The following NTPCR variants were observed in gnomAD, a reference collection of about 807,000 sequenced individuals.
NTPCR encodes nucleoside-triphosphatase, cancer-related.
A neutral mutation model predicts 19.5 loss-of-function variants in NTPCR; 15 were observed. The observed-to-expected ratio is 0.77, with a 90% CI of 0.51 to 1.18. The LOEUF (loss-of-function observed/expected upper bound fraction) is 1.18, where lower values mean the gene tolerates loss of function less well. Ranked by LOEUF, NTPCR falls within the 50% of genes most tolerant of loss-of-function variation. NTPCR has a pLI of 0.00. For missense variants in NTPCR, 206 were observed against 240.4 expected, an observed-to-expected ratio of 0.86 and a Z score of 0.95; for synonymous variants, 90 against 95.8, an observed-to-expected ratio of 0.94 and a Z score of 0.36.
chr1:232,969,643 G>T, intron 3 of NTPCR: 1 of 350,162 alleles, frequency 2.9e-6, no homozygotes, highest in South Asian at 4.5e-5. Flanking sequence ...ATTTATGTCC[G>T]TTACTTCCTT....
Position 232,978,668 on chromosome 1 carries a change from A to G in NTPCR, c.*437A>G, listed in dbSNP as rs1558137632. 1 of 153,718 alleles carries G rather than the reference A, an allele frequency of 6.5e-6. No individual in the cohort carries two copies. Among genetic ancestry groups the G allele is most frequent in the African/African-American group, 2.4e-5 (1 of 41,504 alleles). 9.5% of individuals were successfully genotyped at this position (153,718 alleles called of 1,614,324 possible). ...CCAGGTGCAGCTTCAGCCTCATGCA[A>G]CTTAAAGTGATAACAGTTATTTGAT... On this transcript the variant is annotated 3_prime_UTR_variant, in exon 5 of 5. Transcript: ENST00000366628.
At chr1:232,960,342 T>C (rs1221381897) in intron 3 of NTPCR, among the ~76,000 whole-genome samples, 2 of 150,030 alleles carry the variant, frequency 1.3e-5, no homozygotes, top group Non-Finnish European at 1.5e-5. Context: ...TGTTTCTTTT[T>C]CTTTTCCTTT....
At chr1:232,971,054 G>A (rs188619680) in intron 4 of NTPCR, among the ~76,000 whole-genome samples, 5 of 152,360 alleles carry the variant, frequency 3.3e-5, no homozygotes, top group East Asian at 1.9e-4. Context: ...CAGTGGCAGC[G>A]TCTGAGCCAG....
At chr1:232,965,026 T>A (rs912200597) in intron 3 of NTPCR, 1 of 152,240 alleles carries the variant, frequency 6.6e-6, no homozygotes, top group African/African-American at 2.4e-5. Context: ...CATATCTGCC[T>A]ACTGCAGTGG....
intron 3 of NTPCR, among the ~76,000 whole-genome samples, chr1:232,958,796 A>G (rs982795479): frequency 3.3e-5 from 5 of 152,210 alleles, no homozygotes; most frequent in Admixed American, 3.3e-4. Context: ...AATACTTCAA[A>G]TGAAATTCCA....
intron 4 of NTPCR, among the ~76,000 whole-genome samples, chr1:232,974,949 C>T (rs1669085891): frequency 6.6e-6 from 1 of 152,182 alleles, no homozygotes; most frequent in Admixed American, 6.5e-5. Context: ...CTTATGGGTT[C>T]TTCAATAATT....
intron 4 of NTPCR, among the ~76,000 whole-genome samples, chr1:232,972,304 T>C (rs1435067003): frequency 2.0e-5 from 3 of 152,226 alleles, no homozygotes; most frequent in Non-Finnish European, 4.4e-5. Flanking sequence ...TTTTATTTTT[T>C]ATTTAACTTA....
chr1:232,959,640 T>C (rs1668612816), intron 3 of NTPCR, among the ~76,000 whole-genome samples: 1 of 152,188 alleles, frequency 6.6e-6, no homozygotes, highest in Non-Finnish European at 1.5e-5. Flanking sequence ...CCATTTTTGA[T>C]ACTGGCAATG....
At position 232,970,019 on chromosome 1, in the gene NTPCR, CCCAGGGACTATAAT is replaced by C. The variant is rs1437903122; in HGVS notation, c.408_421del (p.Gly137TrpfsTer7). On this transcript the variant is annotated frameshift_variant, in exon 4 of 5. Coordinates refer to ENST00000366628, the MANE Select transcript of NTPCR (RefSeq NM_032324.3). LOFTEE classifies it high-confidence loss of function. Reference sequence around the variant, plus strand: ...AAGCTGTTCGTCAGACGCTGTCTACCCCAGGGACTATAATCCTTGGCACAATCCCAGTTCCTAAA... The same window carrying C: ...AAGCTGTTCGTCAGACGCTGTCTACCCCTTGGCACAATCCCAGTTCCTAAA... 4.3e-6 allele frequency: 7 copies of C among 1,613,864 alleles called. No homozygotes were observed. The highest frequency in any genetic ancestry group is 5.9e-6 in the Non-Finnish European group (7 of 1,179,880).
intron 3 of NTPCR, 137 bp from the exon 4 acceptor site, chr1:232,969,772 A>G: frequency 3.0e-6 from 2 of 673,662 alleles, no homozygotes; most frequent in South Asian, 1.8e-5. Context: ...GGTCTGTGGG[A>G]TGCTGTCACT....
intron 4 of NTPCR, among the ~76,000 whole-genome samples, chr1:232,975,515 G>T (rs184546597): frequency 6.6e-6 from 1 of 152,306 alleles, no homozygotes; most frequent in Non-Finnish European, 1.5e-5. Flanking sequence ...CTATGTGCAA[G>T]AAAGCAAAAC....
chr1:232,972,975 G>T (rs996195710), intron 4 of NTPCR, among the ~76,000 whole-genome samples: 47 of 152,148 alleles, frequency 3.1e-4, no homozygotes, highest in African/African-American at 1.1e-3. Flanking sequence ...TAGTGGAGAG[G>T]TGTCCAAAGG....
At chr1:232,957,288 T>A (rs1348786702) in intron 3 of NTPCR, among the ~76,000 whole-genome samples, 2 of 152,182 alleles carry the variant, frequency 1.3e-5, no homozygotes, top group Non-Finnish European at 2.9e-5. Context: ...TTTCTTTGAA[T>A]AATTGATAGA....
intron 3 of NTPCR, chr1:232,964,402 T>C (rs959122652): frequency 3.3e-5 from 5 of 152,224 alleles, no homozygotes; most frequent in African/African-American, 1.2e-4. Context: ...TTCTCCACTG[T>C]ATAGTTACTA....
At chr1:232,961,490 T>C (rs760719450) in intron 3 of NTPCR, among the ~76,000 whole-genome samples, 19 of 152,256 alleles carry the variant, frequency 1.2e-4, no homozygotes. Context: ...TTTTCAGTTG[T>C]TCATTAAGTT....
Position 232,950,639 on chromosome 1 carries a change from C to T in NTPCR, c.-72C>T. Reference sequence around the variant, plus strand: ...CGGGTCCTGAGTCGCGACCCTGGTCCGGACCTGACCTGAATTGCGACCCCA... The same window carrying T: ...CGGGTCCTGAGTCGCGACCCTGGTCTGGACCTGACCTGAATTGCGACCCCA... On this transcript the variant is annotated 5_prime_UTR_variant, in exon 1 of 5. Coordinates refer to ENST00000366628, the MANE Select transcript of NTPCR (RefSeq NM_032324.3). 3 of 1,277,324 alleles carry T rather than the reference C, an allele frequency of 2.3e-6. No homozygotes were observed. The highest frequency in any genetic ancestry group is 3.4e-6 in the Non-Finnish European group (3 of 879,890). The allele number at this position is 1,277,324 out of a possible 1,614,324, so 79.1% of individuals were successfully genotyped here.
At chr1:232,961,402 G>C (rs1466503412) in intron 3 of NTPCR, among the ~76,000 whole-genome samples, 2 of 152,208 alleles carry the variant, frequency 1.3e-5, no homozygotes, top group Non-Finnish European at 2.9e-5. Flanking sequence ...CGCTGTGCCA[G>C]CCCTGAGCAC....
chr1:232,967,774 T>G (rs1487570917), intron 3 of NTPCR: 1 of 152,190 alleles, frequency 6.6e-6, no homozygotes, highest in Admixed American at 6.5e-5. Flanking sequence ...AAGTTTTATT[T>G]TGGCTTTTAG....
chr1:232,967,175 C>G (rs1234411890), intron 3 of NTPCR: 1 of 152,182 alleles, frequency 6.6e-6, no homozygotes, highest in Non-Finnish European at 1.5e-5. Flanking sequence ...CTTTGTTTCC[C>G]TCTAAAGTTG....
Sources: allele counts gnomAD v4.1 joint callset (sites outside exome capture counted in the v4.1 genomes callset), GRCh38; gene constraint gnomAD v4.1.1; transcripts MANE v1.5; gene names NCBI Gene and HGNC (gene_info 2026-07-23, HGNC 2026-07-21).